Variants in CDH13 observed in about 807,000 individuals in gnomAD.
The protein encoded by CDH13 is cadherin 13, also known as cadherin-13.
A neutral mutation model predicts 63.8 loss-of-function variants in CDH13; 24 were observed. The observed-to-expected ratio is 0.38, with a 90% confidence interval of 0.27 to 0.53. The LOEUF (loss-of-function observed/expected upper bound fraction) is 0.53. Ranked by LOEUF, CDH13 falls within the 20% of genes least tolerant of loss-of-function variation. The probability of loss-of-function intolerance (pLI) is 0.85; values close to 1 mark genes in which losing one functional copy is unlikely to be tolerated. For synonymous variants in CDH13, 503 were observed against 355.3 expected, an observed-to-expected ratio of 1.42 and a Z score of -4.67; for missense variants, 1,049 against 903.1, an observed-to-expected ratio of 1.16 and a Z score of -2.07.
intron 4 of CDH13, among the ~76,000 whole-genome samples, chr16:83,188,939 A>G (rs1275513176): frequency 6.6e-6 from 1 of 152,128 alleles, no homozygotes; most frequent in African/African-American, 2.4e-5. Flanking sequence ...GAGACCCTTC[A>G]GGAAGCCTCT....
chr16:83,712,272 C>T (rs570138704), intron 10 of CDH13, among the ~76,000 whole-genome samples: 1 of 152,280 alleles, frequency 6.6e-6, no homozygotes, highest in Admixed American at 6.5e-5. Context: ...AGGAGAGAAC[C>T]TGTGGTTTAC....
At chr16:83,632,586 C>A (rs570673448) in intron 8 of CDH13, among the ~76,000 whole-genome samples, 1 of 151,230 alleles carries the variant, frequency 6.6e-6, no homozygotes, top group East Asian at 2.0e-4. Context: ...TCCTCAAGTG[C>A]CCCACGGAGT....
rs67985333 is a variant in CDH13, at chr16:83,010,135, C to CAAAAAAAAAAAAAAAAAAAA, written c.158-21867_158-21848dup. Among the ~76,000 whole-genome samples the CAAAAAAAAAAAAAAAAAAAA allele has an allele frequency of 4.8e-4, 24 of 50,104 alleles. 3 individuals carry two copies. The highest frequency in any genetic ancestry group is 6.7e-4 in the Non-Finnish European group (20 of 29,782). The allele number at this position is 50,104 out of a possible 152,430, so 32.9% of individuals were successfully genotyped here. On this transcript the variant is annotated intron_variant, in intron 2 of 13. Transcript: ENST00000567109. ...GGGCAACAAGAGCAAAACTCTGTCT[C>CAAAAAAAAAAAAAAAAAAAA]AAAAAAAAAAAAAAAAAAAAAAAAA...
chr16:83,651,525 C>A (rs1282663766), intron 8 of CDH13, among the ~76,000 whole-genome samples: 1 of 149,298 alleles, frequency 6.7e-6, no homozygotes, highest in Admixed American at 6.7e-5. Flanking sequence ...ACAAAGATAA[C>A]AAGATGCAGC....
At chr16:83,492,539 T>G (rs2074038673) in intron 7 of CDH13, among the ~76,000 whole-genome samples, 1 of 152,216 alleles carries the variant, frequency 6.6e-6, no homozygotes, top group African/African-American at 2.4e-5. Flanking sequence ...ATGGAAAAAG[T>G]AGATGTAAAT....
At chr16:82,676,486 C>CTTTTTTTT (rs11330492) in intron 1 of CDH13, among the ~76,000 whole-genome samples, 4 of 96,342 alleles carry the variant, frequency 4.2e-5, no homozygotes, top group Admixed American at 2.5e-4. Context: ...ACCATCATTT[C>CTTTTTTTT]TTTTTTTTTT....
chr16:83,225,589 G>A (rs948890668), intron 5 of CDH13, among the ~76,000 whole-genome samples: 2 of 152,148 alleles, frequency 1.3e-5, no homozygotes, highest in African/African-American at 4.8e-5. Context: ...CTTGGGGTCG[G>A]CAGAACCAGC....
chr16:82,840,202 T>C (rs1281833612), intron 1 of CDH13, among the ~76,000 whole-genome samples: 1 of 151,992 alleles, frequency 6.6e-6, no homozygotes, highest in Non-Finnish European at 1.5e-5. Context: ...TTTGTTTGCT[T>C]TTAGTGGCAA....
chr16:82,787,368 G>A (rs371863124), intron 1 of CDH13, among the ~76,000 whole-genome samples: 3 of 152,060 alleles, frequency 2.0e-5, no homozygotes, highest in Admixed American at 6.6e-5. Context: ...TGTCCTGGGG[G>A]GTAAACAGAA....
rs534720090 is a variant in CDH13 at position 83,057,543 on chromosome 16, G to A, written c.366+25325G>A. 5.3e-5 allele frequency among the ~76,000 whole-genome samples: 8 copies of A among 150,854 alleles called. No homozygotes were observed. In the South Asian group the frequency reaches 6.3e-4, roughly 12 times the overall value. ...CAAAAGTAGTAATTGGATGACTCCC[G>A]CTTTTATTGAGTTAGCAAGTATCTT... On this transcript the variant is annotated intron_variant, in intron 3 of 13. Transcript: ENST00000567109.
intron 6 of CDH13, among the ~76,000 whole-genome samples, chr16:83,424,936 C>T (rs1380704849): frequency 6.6e-6 from 1 of 152,176 alleles, no homozygotes; most frequent in African/African-American, 2.4e-5. Context: ...AGTGGAACAT[C>T]CTGATGAACA....
At chr16:82,886,912 G>A (rs1567631145) in intron 2 of CDH13, among the ~76,000 whole-genome samples, 1 of 152,210 alleles carries the variant, frequency 6.6e-6, no homozygotes, top group South Asian at 2.1e-4. Context: ...GAAGAAAAAT[G>A]GTTGGTAATT....
At chr16:83,042,661 G>A (rs546888556) in intron 3 of CDH13, among the ~76,000 whole-genome samples, 3 of 152,184 alleles carry the variant, frequency 2.0e-5, no homozygotes, top group Non-Finnish European at 4.4e-5. Context: ...GGTCTGTGGT[G>A]CCGAAAAAGG....
At chr16:83,424,908 G>A (rs531700850) in intron 6 of CDH13, among the ~76,000 whole-genome samples, 2 of 152,268 alleles carry the variant, frequency 1.3e-5, no homozygotes, top group East Asian at 3.9e-4. Context: ...CACAAGTAAG[G>A]ATTTGGCCTG....
At chr16:83,766,302 C>T (rs1167321981) in intron 11 of CDH13, among the ~76,000 whole-genome samples, 1 of 152,206 alleles carries the variant, frequency 6.6e-6, no homozygotes, top group African/African-American at 2.4e-5. Flanking sequence ...ATTACATTTA[C>T]AGGAAGAGCC....
chr16:82,754,202 G>A (rs1426973874), intron 1 of CDH13, among the ~76,000 whole-genome samples: 1 of 152,130 alleles, frequency 6.6e-6, no homozygotes, highest in African/African-American at 2.4e-5. Context: ...ATTAAGCACT[G>A]ACAAGAACCT....
intron 6 of CDH13, among the ~76,000 whole-genome samples, chr16:83,387,181 A>C (rs2151424390): frequency 6.6e-6 from 1 of 152,262 alleles, no homozygotes; most frequent in Middle Eastern, 3.4e-3. Flanking sequence ...ATATGTGAGA[A>C]GGAGGAGGAG....
At chr16:83,084,029 A>G (rs929115948) in intron 3 of CDH13, among the ~76,000 whole-genome samples, 11 of 152,176 alleles carry the variant, frequency 7.2e-5, no homozygotes, top group African/African-American at 2.7e-4. Flanking sequence ...CATAATTTTT[A>G]CTACACTTTG....
chr16:83,656,517 C>G (rs1912884359), intron 8 of CDH13, among the ~76,000 whole-genome samples: 1 of 152,104 alleles, frequency 6.6e-6, no homozygotes, highest in Non-Finnish European at 1.5e-5. Flanking sequence ...CATGGAAGTT[C>G]TCATCCAGGT....
Sources: allele counts gnomAD v4.1 joint callset (sites outside exome capture counted in the v4.1 genomes callset), GRCh38; gene constraint gnomAD v4.1.1; transcripts MANE v1.5; gene names NCBI Gene and HGNC (gene_info 2026-07-23, HGNC 2026-07-21).